CRYBG2: variants seen among roughly 807,000 people sequenced by gnomAD.
CRYBG2 encodes beta/gamma crystallin domain-containing protein 2.
A neutral mutation model predicts 153.4 loss-of-function variants in CRYBG2; 106 were observed. That is an observed-to-expected ratio of 0.69 (90% CI 0.59 to 0.81). The LOEUF (loss-of-function observed/expected upper bound fraction) is 0.81, where lower values mean the gene tolerates loss of function less well. Among genes scored for constraint, CRYBG2 ranks in the 30% least tolerant of loss-of-function variants. The probability of loss-of-function intolerance (pLI) is 0.00; values close to 1 mark genes in which losing one functional copy is unlikely to be tolerated. For missense variants in CRYBG2, 1,996 were observed against 2,112.0 expected (o/e 0.95, Z 1.08); for synonymous variants, 851 against 877.8 (o/e 0.97, Z 0.54).
intron 10 of CRYBG2, 106 bp from the exon 11 acceptor site, chr1:26,337,086 G>A: frequency 3.8e-6 from 6 of 1,563,046 alleles, no homozygotes; most frequent in Non-Finnish European, 5.2e-6. Context: ...GGGTGAGGCT[G>A]TCAGTACGAC....
Position 26,343,391 on chromosome 1 carries a change from ACCT to A in CRYBG2, c.2914-101_2914-99del. ...CAAGGATCCCACATCCTCCCTATTA[ACCT>A]CCACCCGCAAGGAGCTGGCGCATAG... On this transcript the variant is annotated intron_variant, in intron 2 of 19. Coordinates refer to ENST00000308182, the MANE Select transcript of CRYBG2 (RefSeq NM_001039775.4). The surrounding 1 kb of genome is among the most constrained non-coding windows in gnomAD (Gnocchi z 4.1). 7.3e-7 allele frequency: 1 copy of A among 1,367,576 alleles called. No individual in the cohort carries two copies. The highest frequency in any genetic ancestry group is 1.0e-6 in the Non-Finnish European group (1 of 983,122). The allele number at this position is 1,367,576 out of a possible 1,614,324, so 84.7% of individuals were successfully genotyped here.
chr1:26,331,687 A>G (rs1570175710), intron 14 of CRYBG2, 69 bp from the exon 15 acceptor site: 2 of 1,584,250 alleles, frequency 1.3e-6, no homozygotes, highest in East Asian at 4.5e-5. Flanking sequence ...TTCCCCTGAG[A>G]TACAGAAGAG....
chr1:26,342,992 C>A (rs2074150682), intron 4 of CRYBG2, 55 bp downstream of exon 4: 1 of 1,536,968 alleles, frequency 6.5e-7, no homozygotes, highest in Admixed American at 2.0e-5. Flanking sequence ...CCTCACTCCC[C>A]TCTGCATCCC....
At chr1:26,350,863 G>A (rs1449674469) in intron 1 of CRYBG2, among the ~76,000 whole-genome samples, 1 of 152,124 alleles carries the variant, frequency 6.6e-6, no homozygotes, top group Non-Finnish European at 1.5e-5. Flanking sequence ...GCAGGAAATG[G>A]ACCCACTGCC....
chr1:26,332,234 G>A (rs1389632263), intron 14 of CRYBG2, among the ~76,000 whole-genome samples: 2 of 149,578 alleles, frequency 1.3e-5, no homozygotes. Context: ...ATGAACCCAG[G>A]AGGCGGAGCT....
At chr1:26,340,161 C>T (rs1191624007) in intron 5 of CRYBG2, among the ~76,000 whole-genome samples, 1 of 152,220 alleles carries the variant, frequency 6.6e-6, no homozygotes, top group Non-Finnish European at 1.5e-5. Context: ...GCAGCAGATC[C>T]TCTTTGTATT....
chr1:26,341,243 A>T (rs2074125661), intron 5 of CRYBG2, among the ~76,000 whole-genome samples: 1 of 151,650 alleles, frequency 6.6e-6, no homozygotes, highest in Non-Finnish European at 1.5e-5. Flanking sequence ...TGGGAGGCTG[A>T]GGCAGGAGAA....
chr1:26,346,265 C>A lies in CRYBG2; in HGVS notation c.393G>T (p.Glu131Asp). ...SDGSRQAPRT[E>D]PPCVGAMART... ...TGGCCATAGCTCCCACACATGGGGG[C>A]TCAGTCCTGGGAGCTTGGCGGCTGC... Residue 131 changes from glutamate to aspartate, a missense_variant, in exon 2 of 20, where the codon GAG becomes GAT. Coordinates refer to ENST00000308182, the MANE Select transcript of CRYBG2 (RefSeq NM_001039775.4). The surrounding 1 kb of genome is among the most constrained non-coding windows in gnomAD (Gnocchi z 4.9). 6.3e-7 allele frequency: 1 copy of A among 1,588,226 alleles called. No individual in the cohort carries two copies. Among genetic ancestry groups the A allele is most frequent in the Non-Finnish European group, 8.5e-7 (1 of 1,173,040 alleles).
rs759299347 is a variant in CRYBG2, at chr1:26,346,436, C to T, written c.222G>A (p.Glu74=). ...CCCGAGGGCCCTGGCAATTCACAGT[C>T]TCTTCTTCCTGTGTTGCAAAGCCAT... ...EVNGFATQEE[E]TVNCQGPRDT... The change falls in exon 2 of 20, where the codon GAG becomes GAA. Residue 74 remains glutamate, a synonymous_variant. Coordinates refer to ENST00000308182, the MANE Select transcript of CRYBG2 (RefSeq NM_001039775.4). This position sits in a 1 kb window ranked among gnomAD's most constrained non-coding sequence, Gnocchi z 4.9. 2 of 1,602,800 alleles carry T rather than the reference C, an allele frequency of 1.2e-6. No individual in the cohort carries two copies. Among genetic ancestry groups the T allele is most frequent in the African/African-American group, 1.3e-5 (1 of 74,882 alleles).
chr1:26,344,264 G>A lies in CRYBG2; in HGVS notation c.2394C>T (p.Ala798=). 1 of 1,533,232 alleles carries A rather than the reference G, an allele frequency of 6.5e-7. No homozygotes were observed. Among genetic ancestry groups the A allele is most frequent in the Non-Finnish European group, 8.7e-7 (1 of 1,144,636 alleles). 95.0% of individuals were successfully genotyped at this position (1,533,232 alleles called of 1,614,324 possible). A position where few individuals can be genotyped will look rare whatever the true frequency, so the allele number is the denominator to read the frequency against. The change falls in exon 2 of 20, where the codon GCC becomes GCT. Residue 798 remains alanine (A), a synonymous_variant. Transcript: ENST00000308182. The stretch of plus-strand genomic sequence containing the variant: ...GGTCCTCCTCAATGGCAGGCAGCGT[G>A]GCGTACATGGACAGGTAGGAGGAGC... The part of the protein sequence containing the change: ...APRSSYLSMY[A]TLPAIEEDQL...
rs1308573360 is a variant in CRYBG2 at position 26,331,563 on chromosome 1, C to T, written c.4240G>A (p.Gly1414Ser). The change falls in exon 15 of 20, where the codon GGC becomes AGC. Residue 1414 changes from glycine (G) to serine (S), a missense_variant. Physicochemically the swap from Gly to Ser is moderately conservative, Grantham distance 56. Coordinates refer to ENST00000308182, the MANE Select transcript of CRYBG2 (RefSeq NM_001039775.4). Reference sequence around the variant, plus strand: ...ATGGCCGTGAGAGTGGGGAACTCGCCCTCAGAGAGAATGTGCTGGTCACCC... The same window carrying T: ...ATGGCCGTGAGAGTGGGGAACTCGCTCTCAGAGAGAATGTGCTGGTCACCC... ...FEGDQHILSEGEFPTLTAMGC... is the reference protein window; with the variant it reads ...FEGDQHILSESEFPTLTAMGC... 2 of 1,614,104 alleles carry T rather than the reference C, an allele frequency of 1.2e-6. No homozygotes were observed. Among genetic ancestry groups the T allele is most frequent in the Admixed American group, 3.3e-5 (2 of 60,022 alleles).
At chr1:26,342,316 T>C (rs1324064412) in intron 5 of CRYBG2, among the ~76,000 whole-genome samples, 2 of 152,092 alleles carry the variant, frequency 1.3e-5, no homozygotes. Flanking sequence ...CCCCAGAATC[T>C]CTTTCTTCCC....
rs768545466 is a variant in CRYBG2 at position 26,336,776 on chromosome 1, A to G, written c.3912-44T>C. On this transcript the variant is annotated intron_variant, in intron 11 of 19. Transcript: ENST00000308182. This position sits in a 1 kb window ranked among gnomAD's most constrained non-coding sequence, Gnocchi z 4.9. The stretch of plus-strand genomic sequence containing the variant: ...GCGAGTCAGCTGGGACGGAGCCTGC[A>G]CCTCTCCTGGAACCGCCCCCGGCTC... 2.6e-6 allele frequency: 4 copies of G among 1,559,752 alleles called. No individual in the cohort carries two copies. In the South Asian group the frequency reaches 4.7e-5, roughly 18 times the overall value.
intron 18 of CRYBG2, among the ~76,000 whole-genome samples, chr1:26,323,711 T>C (rs2124689204): frequency 6.6e-6 from 1 of 152,070 alleles, no homozygotes; most frequent in East Asian, 1.9e-4. Flanking sequence ...CTCTAACTCC[T>C]GGGCTCAAGC....
chr1:26,322,058 T>C lies in CRYBG2; in HGVS notation c.4898-2A>G. On this transcript the variant is annotated splice_acceptor_variant, in intron 19 of 19. Coordinates refer to ENST00000308182, the MANE Select transcript of CRYBG2 (RefSeq NM_001039775.4). LOFTEE classifies it high-confidence loss of function. The stretch of plus-strand genomic sequence containing the variant: ...GGTCCCGGTCGTAGCCCCGGCCTCC[T>C]GGGGGTGGGATGGGGATTAAAAGAT... 2 of 1,606,082 alleles carry C rather than the reference T, an allele frequency of 1.2e-6. No homozygotes were observed. The highest frequency in any genetic ancestry group is 1.7e-6 in the Non-Finnish European group (2 of 1,173,700).
At chr1:26,324,642 A>C in intron 17 of CRYBG2, 1 of 196,738 alleles carries the variant, frequency 5.1e-6, no homozygotes, top group Middle Eastern at 2.0e-3. Flanking sequence ...ACACAAACAC[A>C]TGGATACATG....
In CRYBG2 at chr1:26,345,666, A is replaced by C; in HGVS notation, c.992T>G (p.Val331Gly). The change falls in exon 2 of 20, where the codon GTG (valine) becomes GGG (glycine). Residue 331 changes from valine to glycine, a missense_variant. Coordinates refer to ENST00000308182, the MANE Select transcript of CRYBG2 (RefSeq NM_001039775.4). The stretch of plus-strand genomic sequence containing the variant: ...CTCAGTGGAACTGGGGGCTCCCAGC[A>C]CCTGCCAGAGCTCACAGGCCCTGGC... ...PDARACELWQ[V>G]LGAPSSTELP... 6.3e-7 allele frequency: 1 copy of C among 1,598,536 alleles called. No homozygotes were observed. Among genetic ancestry groups the C allele is most frequent in the Non-Finnish European group, 8.5e-7 (1 of 1,179,714 alleles).
rs2074058842 is a variant in CRYBG2, at chr1:26,336,551, C to T, written c.4038+55G>A. On this transcript the variant is annotated intron_variant, in intron 12 of 19. Transcript: ENST00000308182. This position sits in a 1 kb window ranked among gnomAD's most constrained non-coding sequence, Gnocchi z 4.9. ...ACCTCTGCGTGGGGGCGGGGCGCAC[C>T]CGAACTCCAGGTCCCGCCACCGGGG... 1.3e-6 allele frequency: 2 copies of T among 1,540,288 alleles called. No individual in the cohort carries two copies. The highest frequency in any genetic ancestry group is 8.8e-7 in the Non-Finnish European group (1 of 1,142,374).
rs189359731 is a variant in CRYBG2, at chr1:26,340,257, C to T, written c.3205-828G>A. Among the ~76,000 whole-genome samples the T allele has an allele frequency of 3.5e-3, 526 of 152,360 alleles. 4 individuals carry two copies. Among genetic ancestry groups the T allele is most frequent in the Non-Finnish European group, 5.9e-3 (398 of 68,030 alleles). The stretch of plus-strand genomic sequence containing the variant: ...CGAAGCATCTACTGCATGCAAGGCA[C>T]TGTGCTAAGGTCATGTCCTACCCTA... On this transcript the variant is annotated intron_variant, in intron 5 of 19. Coordinates refer to ENST00000308182, the MANE Select transcript of CRYBG2 (RefSeq NM_001039775.4).
Sources: allele counts gnomAD v4.1 joint callset (sites outside exome capture counted in the v4.1 genomes callset), GRCh38; gene constraint gnomAD v4.1.1; non-coding constraint Gnocchi (gnomAD v3.1); transcripts MANE v1.5; gene names NCBI Gene and HGNC (gene_info 2026-07-23, HGNC 2026-07-21).